Variants in ZNF536 observed in about 807,000 individuals in gnomAD.
ZNF536 encodes the protein zinc finger protein 536.
Under a neutral mutation model 84.5 loss-of-function variants are expected in ZNF536, and 13 were observed. The observed-to-expected ratio is 0.15, with a 90% CI of 0.10 to 0.24. The LOEUF is 0.24. Ranked by LOEUF, ZNF536 falls within the 10% of genes least tolerant of loss-of-function variation. The pLI is 1.00. For synonymous variants in ZNF536, 811 were observed against 742.5 expected (o/e 1.09, Z -1.50); for missense variants, 1,536 against 1,747.5 (o/e 0.88, Z 2.16).
At position 30,548,754 on chromosome 19, in the gene ZNF536, C is replaced by T. The variant is rs2146216049; in HGVS notation, c.3135C>T (p.Ala1045=). The change falls in exon 4 of 5, where the codon GCC becomes GCT. Residue 1045 remains alanine (A), a synonymous_variant. Coordinates refer to ENST00000355537, the MANE Select transcript of ZNF536 (RefSeq NM_014717.3). ...TCACAGTCAACTGCAAAGACCAAGC[C>T]CGGGAGGCGAGTAAGATGGCCCTGC... ...IGVTVNCKDQ[A]REASKMALLP... 1 of 1,613,930 alleles carries T rather than the reference C, an allele frequency of 6.2e-7. No homozygotes were observed. The highest frequency in any genetic ancestry group is 2.2e-5 in the East Asian group (1 of 44,858).
intron 4 of ZNF536, among the ~76,000 whole-genome samples, chr19:30,550,035 A>G (rs2045714368): frequency 1.3e-5 from 2 of 152,212 alleles, no homozygotes; most frequent in African/African-American, 4.8e-5. Context: ...TTCTCTCCAA[A>G]GAGGGAGATG....
At chr19:30,566,926 G>A (rs1268357581) in intron 1 of ZNF536, among the ~76,000 whole-genome samples, 3 of 151,630 alleles carry the variant, frequency 2.0e-5, no homozygotes, top group Admixed American at 2.0e-4. Context: ...GGCCTCTCTG[G>A]GCAGTGGAGG....
intron 3 of ZNF536, among the ~76,000 whole-genome samples, chr19:30,359,578 C>T (rs190702817): frequency 2.4e-3 from 369 of 152,286 alleles, no homozygotes; most frequent in Non-Finnish European, 4.2e-3. Flanking sequence ...GTTCCACCTT[C>T]CTTCCTGTCT....
At chr19:30,474,485 G>A (rs2144700748) in intron 2 of ZNF536, among the ~76,000 whole-genome samples, 1 of 152,152 alleles carries the variant, frequency 6.6e-6, no homozygotes, top group East Asian at 1.9e-4. Context: ...GCAGACATTT[G>A]TGGACCTCCT....
At chr19:30,660,543 A>C (rs1409918446) in intron 1 of ZNF536, among the ~76,000 whole-genome samples, 1 of 152,266 alleles carries the variant, frequency 6.6e-6, no homozygotes, top group Non-Finnish European at 1.5e-5. Context: ...ACACAGTAAG[A>C]ACTGATAAAC....
chr19:30,483,561 C>A (rs552162357), intron 2 of ZNF536, among the ~76,000 whole-genome samples: 5 of 142,108 alleles, frequency 3.5e-5, no homozygotes, highest in South Asian at 2.2e-4. Context: ...CCCTTGGAGA[C>A]CCCTCTTTCT....
At chr19:30,623,940 C>T (rs2048582001) in intron 1 of ZNF536, among the ~76,000 whole-genome samples, 1 of 152,160 alleles carries the variant, frequency 6.6e-6, no homozygotes, top group Non-Finnish European at 1.5e-5. Context: ...TACAGAGTCC[C>T]ATGTTTCATG....
intron 3 of ZNF536, among the ~76,000 whole-genome samples, chr19:30,545,035 G>A (rs1414085101): frequency 6.6e-6 from 1 of 152,170 alleles, no homozygotes; most frequent in African/African-American, 2.4e-5. Context: ...AAGGAAGGCT[G>A]CCTACAATGG....
rs886959008 is a variant in ZNF536 at position 30,475,279 on chromosome 19, A to C, written c.2170+29547A>C. Among the ~76,000 whole-genome samples the C allele has an allele frequency of 2.8e-4, 43 of 151,838 alleles. 1 individual carries two copies. Among genetic ancestry groups the C allele is most frequent in the Non-Finnish European group, 7.4e-5 (5 of 67,958 alleles). ...GTAGTTTTAGTAGAGACAGGGTTTG[A>C]CTCAGATTTCTCTTAGCCCTGTTCC... On this transcript the variant is annotated intron_variant, in intron 2 of 4. Transcript: ENST00000355537.
At chr19:30,257,996 G>C (rs1323327603) in intron 1 of ZNF536, among the ~76,000 whole-genome samples, 4 of 152,162 alleles carry the variant, frequency 2.6e-5, no homozygotes, top group Admixed American at 2.0e-4. Flanking sequence ...AGGGCAGCAG[G>C]ACAGGTTGTT....
At chr19:30,541,976 A>C (rs1338434816) in intron 3 of ZNF536, among the ~76,000 whole-genome samples, 1 of 152,232 alleles carries the variant, frequency 6.6e-6, no homozygotes, top group Non-Finnish European at 1.5e-5. Context: ...CACCATATTT[A>C]TCTCTCCTGG....
intron 1 of ZNF536, among the ~76,000 whole-genome samples, chr19:30,395,462 A>G (rs756208165): frequency 1.3e-5 from 2 of 152,202 alleles, no homozygotes; most frequent in Non-Finnish European, 2.9e-5. Flanking sequence ...TGATTGGTTA[A>G]GAACTGTGCC....
intron 2 of ZNF536, among the ~76,000 whole-genome samples, chr19:30,529,142 A>G (rs533154206): frequency 2.6e-5 from 4 of 152,272 alleles, no homozygotes; most frequent in Admixed American, 2.6e-4. Flanking sequence ...AAACAACGCT[A>G]TTTTATTATA....
At chr19:30,565,948 G>A (rs1017267483) in intron 1 of ZNF536, among the ~76,000 whole-genome samples, 17 of 152,106 alleles carry the variant, frequency 1.1e-4, no homozygotes, top group Non-Finnish European at 2.5e-4. Flanking sequence ...GTCATCAACC[G>A]CATCACACCA....
chr19:30,316,856 T>G (rs555984620), intron 2 of ZNF536, among the ~76,000 whole-genome samples: 1 of 152,316 alleles, frequency 6.6e-6, no homozygotes, highest in Admixed American at 6.5e-5. Flanking sequence ...CTGAGCCTGG[T>G]CCAGGTGGGA....
chr19:30,245,295 C>T (rs1393227588), intron 1 of ZNF536, among the ~76,000 whole-genome samples: 1 of 152,176 alleles, frequency 6.6e-6, no homozygotes, highest in Non-Finnish European at 1.5e-5. Flanking sequence ...CTGTTGTCTG[C>T]ACAGTGCTTA....
intron 2 of ZNF536, among the ~76,000 whole-genome samples, chr19:30,344,304 T>TATATATATATATATATATATAAAC (rs1460061348): frequency 1.5e-5 from 1 of 66,248 alleles, no homozygotes. Context: ...CACAAATATA[T>TATATATATATATATATATATAAAC]TGGCGGCCTC....
At chr19:30,611,246 C>A (rs2048096941) in intron 1 of ZNF536, among the ~76,000 whole-genome samples, 1 of 152,130 alleles carries the variant, frequency 6.6e-6, no homozygotes, top group African/African-American at 2.4e-5. Flanking sequence ...CTCTTCCCAT[C>A]CCTGTACACC....
chr19:30,231,401 T>G (rs2023030505), intron 1 of ZNF536, among the ~76,000 whole-genome samples: 1 of 152,242 alleles, frequency 6.6e-6, no homozygotes, highest in African/African-American at 2.4e-5. Flanking sequence ...CTTGCATTGC[T>G]ACTAGTGGGG....
Sources: allele counts gnomAD v4.1 joint callset (sites outside exome capture counted in the v4.1 genomes callset), GRCh38; gene constraint gnomAD v4.1.1; transcripts MANE v1.5; gene names NCBI Gene and HGNC (gene_info 2026-07-23, HGNC 2026-07-21).